YAP1: variants seen among roughly 807,000 people sequenced by gnomAD.
The protein encoded by YAP1 is Yes1 associated transcriptional regulator, also known as transcriptional coactivator YAP1.
A neutral mutation model predicts 56.9 loss-of-function variants in YAP1; 5 were observed. The observed-to-expected ratio is 0.09, with a 90% CI of 0.05 to 0.18. The LOEUF (loss-of-function observed/expected upper bound fraction) is 0.18. YAP1 is among the 10% of genes least tolerant of loss of function. The probability of loss-of-function intolerance (pLI) is 1.00; values close to 1 mark genes in which losing one functional copy is unlikely to be tolerated. For synonymous variants in YAP1, 265 were observed against 248.1 expected (o/e 1.07, Z -0.64); for missense variants, 539 against 651.8 (o/e 0.83, Z 1.88).
chr11:102,118,898 G>A (rs1456218134), intron 2 of YAP1, among the ~76,000 whole-genome samples: 1 of 151,918 alleles, frequency 6.6e-6, no homozygotes, highest in Non-Finnish European at 1.5e-5. Context: ...TGAAGAATAA[G>A]GCTATACTGT....
chr11:102,149,897 A>G (rs1945525662), intron 2 of YAP1, among the ~76,000 whole-genome samples: 1 of 151,008 alleles, frequency 6.6e-6, no homozygotes, highest in Non-Finnish European at 1.5e-5. Flanking sequence ...AATTGCGTAT[A>G]TGAAGAAATA....
chr11:102,164,727 G>GT lies in YAP1; in HGVS notation c.688+2164dup, dbSNP rs371270623. On this transcript the variant is annotated intron_variant, in intron 3 of 8. Transcript: ENST00000282441. ...CAACTTGGTTTTAGTGGGTTTTTTT[G>GT]TTTTTTTTCTTTTGGATGGAGTTTT... 1.3e-3 allele frequency among the ~76,000 whole-genome samples: 203 copies of GT among 151,454 alleles called. 1 individual carries two copies. The highest frequency in any genetic ancestry group is 4.5e-3 in the African/African-American group (186 of 41,236).
chr11:102,207,621 A>T (rs1949188973), intron 5 of YAP1, among the ~76,000 whole-genome samples: 1 of 152,074 alleles, frequency 6.6e-6, no homozygotes, highest in African/African-American at 2.4e-5. Context: ...GCTGTATTTT[A>T]AAAGTATCTC....
At chr11:102,197,666 G>A (rs1245424904) in intron 4 of YAP1, among the ~76,000 whole-genome samples, 2 of 152,158 alleles carry the variant, frequency 1.3e-5, no homozygotes, top group East Asian at 3.8e-4. Context: ...AGTGCAAGAA[G>A]CACAGACTCT....
chr11:102,187,752 T>TAC (rs556968195), intron 4 of YAP1, among the ~76,000 whole-genome samples: 5 of 152,180 alleles, frequency 3.3e-5, no homozygotes, highest in Non-Finnish European at 5.9e-5. Context: ...GACTATTGAT[T>TAC]ACACACACAG....
chr11:102,209,508 TACTCTTAG>T lies in YAP1; in HGVS notation c.985-8_985-1del, dbSNP rs1949289096. On this transcript the variant is annotated splice_acceptor_variant and splice_polypyrimidine_tract_variant and intron_variant, in intron 5 of 8. Coordinates refer to ENST00000282441, the MANE Select transcript of YAP1 (RefSeq NM_001130145.3). LOFTEE classifies it high-confidence loss of function. ...AGTAATTTTTATCCGTCTTATTTTT[TACTCTTAG>T]GCAATGCGGAATATCAATCCCAGCA... 1 of 1,604,666 alleles carries T rather than the reference TACTCTTAG, an allele frequency of 6.2e-7. No homozygotes were observed. Among genetic ancestry groups the T allele is most frequent in the Non-Finnish European group, 8.5e-7 (1 of 1,176,178 alleles).
At chr11:102,147,223 C>T (rs1403097171) in intron 2 of YAP1, among the ~76,000 whole-genome samples, 6 of 152,292 alleles carry the variant, frequency 3.9e-5, no homozygotes, top group Admixed American at 6.5e-5. Context: ...ACCAGCTCTG[C>T]GCTTTGTGCT....
At position 102,205,956 on chromosome 11, in the gene YAP1, G is replaced by A. The variant is rs1246828764; in HGVS notation, c.866G>A (p.Ser289Asn). The change falls in exon 5 of 9, where the codon AGC (serine) becomes AAC (asparagine). Residue 289 changes from serine to asparagine, a missense_variant. This residue lies in a region of YAP1 where 414 missense variants were observed against 512.4 expected (regional missense o/e 0.81). Transcript: ENST00000282441. ...VKQPPPLAPQ[S>N]PQGGVMGGSN... ...CAGCCACCACCCCTGGCTCCCCAGAGCCCACAGGGAGGCGTCATGGGTGGC... is the reference window on the plus strand; with the variant it reads ...CAGCCACCACCCCTGGCTCCCCAGAACCCACAGGGAGGCGTCATGGGTGGC... 6.2e-7 allele frequency: 1 copy of A among 1,612,938 alleles called. No individual in the cohort carries two copies. The highest frequency in any genetic ancestry group is 8.5e-7 in the Non-Finnish European group (1 of 1,179,748).
intron 7 of YAP1, among the ~76,000 whole-genome samples, chr11:102,225,088 G>A (rs1950128820): frequency 6.6e-6 from 1 of 151,834 alleles, no homozygotes; most frequent in African/African-American, 2.4e-5. Flanking sequence ...GATAATCAGT[G>A]TTACTAATCT....
intron 7 of YAP1, chr11:102,227,145 T>C (rs1387695647): frequency 8.0e-6 from 2 of 250,506 alleles, no homozygotes; most frequent in East Asian, 1.8e-4. Context: ...AGGAGAATAC[T>C]GATGCAGAGA....
chr11:102,164,978 C>A (rs1946515430), intron 3 of YAP1, among the ~76,000 whole-genome samples: 1 of 152,162 alleles, frequency 6.6e-6, no homozygotes, highest in Admixed American at 6.5e-5. Context: ...TGTCTTCGGC[C>A]TCCCAAAGTG....
intron 3 of YAP1, among the ~76,000 whole-genome samples, chr11:102,176,334 A>G (rs1947244456): frequency 6.6e-6 from 1 of 152,216 alleles, no homozygotes; most frequent in Non-Finnish European, 1.5e-5. Flanking sequence ...TGATGAACAC[A>G]AAACAATACA....
intron 4 of YAP1, among the ~76,000 whole-genome samples, chr11:102,202,000 T>C (rs963722895): frequency 6.6e-6 from 1 of 151,932 alleles, no homozygotes; most frequent in Admixed American, 6.6e-5. Flanking sequence ...ATTGTAGCCA[T>C]AGCAAAAAGA....
At chr11:102,111,280 T>A in intron 1 of YAP1, 111 bp downstream of exon 1, 1 of 1,331,474 alleles carries the variant, frequency 7.5e-7, no homozygotes, top group Non-Finnish European at 1.0e-6. Flanking sequence ...TTGCGGGAAC[T>A]CTAGCTGGGG....
rs1431168713 is a variant in YAP1 at position 102,198,301 on chromosome 11, T to A, written c.803-7592T>A. The stretch of plus-strand genomic sequence containing the variant: ...CAACCAATTCAGTTTGTTGTCAGCA[T>A]TGGCTATTGTCATTAATGATTACTG... On this transcript the variant is annotated intron_variant, in intron 4 of 8. Coordinates refer to ENST00000282441, the MANE Select transcript of YAP1 (RefSeq NM_001130145.3). Among the ~76,000 whole-genome samples, 5 of 152,316 alleles carry A rather than the reference T, an allele frequency of 3.3e-5. No homozygotes were observed. In the East Asian group the frequency reaches 9.6e-4, roughly 29 times the overall value.
chr11:102,128,008 G>T (rs1038452021), intron 2 of YAP1, among the ~76,000 whole-genome samples: 2 of 152,108 alleles, frequency 1.3e-5, no homozygotes, highest in Non-Finnish European at 2.9e-5. Flanking sequence ...ACCTGTACCC[G>T]CATTGTATCT....
intron 2 of YAP1, among the ~76,000 whole-genome samples, chr11:102,153,103 T>C (rs1040234876): frequency 1.3e-5 from 2 of 152,246 alleles, no homozygotes; most frequent in Middle Eastern, 3.2e-3. Context: ...TTGAGAACTT[T>C]GAAATTTTCC....
intron 3 of YAP1, among the ~76,000 whole-genome samples, chr11:102,178,853 C>T (rs1368147236): frequency 2.0e-5 from 3 of 152,286 alleles, no homozygotes; most frequent in South Asian, 2.1e-4. Context: ...ATGGTGCCAG[C>T]GTCTGCTTCT....
Position 102,169,036 on chromosome 11 carries a change from G to T in YAP1, c.688+6465G>T, listed in dbSNP as rs1946753341. Among the ~76,000 whole-genome samples, 4 of 152,102 alleles carry T rather than the reference G, an allele frequency of 2.6e-5. No individual in the cohort carries two copies. The South Asian group carries it at 8.3e-4, about 32-fold the overall frequency. The stretch of plus-strand genomic sequence containing the variant: ...AAACTGAGAGACAGTTTACATTAAG[G>T]GTTAAGACCAAGGGCTCTGGAAATC... On this transcript the variant is annotated intron_variant, in intron 3 of 8. Transcript: ENST00000282441.
Sources: gnomAD v4.1 joint callset for allele counts (sites outside exome capture counted in the v4.1 genomes callset) on GRCh38, gnomAD v4.1.1 for gene constraint, gnomAD v4.1.1 regional missense constraint, MANE v1.5 for transcripts, NCBI Gene and HGNC (gene_info 2026-07-23, HGNC 2026-07-21) for gene names.